Variants in GGA2 observed in about 807,000 individuals in gnomAD.
GGA2 encodes the protein golgi associated, gamma adaptin ear containing, ARF binding protein 2, also known as ADP-ribosylation factor-binding protein GGA2.
A neutral mutation model predicts 79.5 loss-of-function variants in GGA2; 48 were observed. That is an observed-to-expected ratio of 0.60 (90% CI 0.48 to 0.77). The LOEUF is 0.77. Among genes scored for constraint, GGA2 ranks in the 30% least tolerant of loss-of-function variants. The pLI is 0.00. For missense variants in GGA2, 770 were observed against 774.0 expected, an observed-to-expected ratio of 0.99 and a Z score of 0.06; for synonymous variants, 317 against 302.0, an observed-to-expected ratio of 1.05 and a Z score of -0.51.
intron 2 of GGA2, among the ~76,000 whole-genome samples, chr16:23,494,935 A>G (rs113544600): frequency 0.026 from 3,936 of 152,096 alleles, 80 homozygotes; most frequent in African/African-American, 0.058. Context: ...AATACAAAAA[A>G]TTAGCCAGGC....
Position 23,478,372 on chromosome 16 carries a change from G to GGC in GGA2, c.1286_1287dup (p.Pro430AlafsTer3), listed in dbSNP as rs1964603082. On this transcript the variant is annotated frameshift_variant, in exon 13 of 17. Transcript: ENST00000309859. LOFTEE classifies it high-confidence loss of function. ...CCCCTTGCCCAGAAGACTCACAGAG[G>GGC]GCACGGAGCTGGCTGTGCTGAGAGG... The GGC allele has an allele frequency of 1.9e-6, 3 of 1,587,656 alleles. No homozygotes were observed. The highest frequency in any genetic ancestry group is 2.6e-6 in the Non-Finnish European group (3 of 1,165,358).
upstream of GGA2, chr16:23,522,669 G>C (rs1214716508): frequency 1.3e-5 from 2 of 152,028 alleles, no homozygotes; most frequent in Non-Finnish European, 2.9e-5. Context: ...CACTCCCCTG[G>C]ACAAAATAAA....
At chr16:23,524,283 G>A (rs1965186790), upstream of GGA2, 23 of 1,137,042 alleles carry the variant, frequency 2.0e-5, no homozygotes, top group Non-Finnish European at 2.9e-5. Flanking sequence ...ACTTCCCGAC[G>A]GGCCCCAGGC....
Position 23,470,208 on chromosome 16 carries a change from AC to A in GGA2, c.1451-44del, listed in dbSNP as rs35598942. The A allele has an allele frequency of 4.4e-4, 639 of 1,440,010 alleles. 6 individuals are homozygous for A. The African/African-American group carries it at 8.0e-3, about 18-fold the overall frequency. 89.2% of individuals were successfully genotyped at this position (1,440,010 alleles called of 1,614,324 possible). ...AGCAGAAGGTTTAACACCACTACAA[AC>A]CCCCCGGACAGCCAGGCTGGAAAGA... On this transcript the variant is annotated intron_variant, in intron 14 of 16. Coordinates refer to ENST00000309859, the MANE Select transcript of GGA2 (RefSeq NM_015044.4).
At chr16:23,470,828 T>C (rs1358407003) in intron 14 of GGA2, among the ~76,000 whole-genome samples, 1 of 128,590 alleles carries the variant, frequency 7.8e-6, no homozygotes, top group African/African-American at 3.6e-5. Flanking sequence ...ATAAATGCTT[T>C]TTTTTTTTTT....
In GGA2 at chr16:23,465,025, T is replaced by A; in HGVS notation, c.*2565A>T. The A allele has an allele frequency of 2.5e-6, 1 of 399,790 alleles. No individual in the cohort carries two copies. The highest frequency in any genetic ancestry group is 4.5e-6 in the Non-Finnish European group (1 of 220,224). 24.8% of individuals were successfully genotyped at this position (399,790 alleles called of 1,614,324 possible). A position where few individuals can be genotyped will look rare whatever the true frequency, so the allele number is the denominator to read the frequency against. On this transcript the variant is annotated 3_prime_UTR_variant, in exon 17 of 17. Coordinates refer to ENST00000309859, the MANE Select transcript of GGA2 (RefSeq NM_015044.4). ...ATGGGTCAACAGGACCCCCGAAGAG[T>A]TCAAGATACTGGAAAGCACTGGCCA...
chr16:23,505,020 C>A (rs1482907517), intron 1 of GGA2, among the ~76,000 whole-genome samples: 1 of 152,144 alleles, frequency 6.6e-6, no homozygotes, highest in Non-Finnish European at 1.5e-5. Context: ...CCAGCAGCCG[C>A]CTGTGCTAGC....
Position 23,464,679 on chromosome 16 carries a change from C to G in GGA2, c.*2911G>C, listed in dbSNP as rs1314325241. The G allele has an allele frequency of 6.6e-6, 1 of 152,428 alleles. No homozygotes were observed. The highest frequency in any genetic ancestry group is 1.5e-5 in the Non-Finnish European group (1 of 68,244). 9.4% of individuals were successfully genotyped at this position (152,428 alleles called of 1,614,324 possible). A position where few individuals can be genotyped will look rare whatever the true frequency, so the allele number is the denominator to read the frequency against. Reference sequence around the variant, plus strand: ...CTGCGGATACAGACGAAGCAGGAATCAGGGACCCAATAAGTCTCAGGTGCT... The same window carrying G: ...CTGCGGATACAGACGAAGCAGGAATGAGGGACCCAATAAGTCTCAGGTGCT... On this transcript the variant is annotated 3_prime_UTR_variant, in exon 17 of 17. Coordinates refer to ENST00000309859, the MANE Select transcript of GGA2 (RefSeq NM_015044.4).
intron 9 of GGA2, among the ~76,000 whole-genome samples, chr16:23,481,822 A>T (rs1596982469): frequency 6.6e-6 from 1 of 152,250 alleles, no homozygotes; most frequent in African/African-American, 2.4e-5. Context: ...CATGCTATCC[A>T]CTAAGAGAGA....
chr16:23,475,357 T>C (rs979330837), intron 13 of GGA2, among the ~76,000 whole-genome samples: 3 of 151,548 alleles, frequency 2.0e-5, no homozygotes, highest in African/African-American at 4.8e-5. Context: ...GTCCGACTAA[T>C]TTTTGTATTT....
intron 1 of GGA2, among the ~76,000 whole-genome samples, chr16:23,507,333 A>G (rs1353878973): frequency 6.6e-6 from 1 of 152,228 alleles, no homozygotes; most frequent in Non-Finnish European, 1.5e-5. Flanking sequence ...GAAAAAAACC[A>G]TAATAATAAA....
intron 1 of GGA2, among the ~76,000 whole-genome samples, chr16:23,503,246 T>C (rs1197666100): frequency 2.6e-5 from 4 of 152,234 alleles, no homozygotes; most frequent in Non-Finnish European, 4.4e-5. Flanking sequence ...TTATACGTAA[T>C]TGAATATTTT....
chr16:23,499,441 G>A (rs975790682), intron 1 of GGA2, among the ~76,000 whole-genome samples: 1 of 152,010 alleles, frequency 6.6e-6, no homozygotes, highest in East Asian at 1.9e-4. Context: ...ACCACACCCG[G>A]CCGGCACCAG....
At chr16:23,477,814 C>T (rs1362203990) in intron 13 of GGA2, among the ~76,000 whole-genome samples, 2 of 152,180 alleles carry the variant, frequency 1.3e-5, no homozygotes, top group African/African-American at 4.8e-5. Context: ...CCTCCCCAGC[C>T]ACATGGAACT....
intron 7 of GGA2, 109 bp from the exon 8 acceptor site, chr16:23,486,261 C>G: frequency 2.1e-6 from 2 of 956,190 alleles, no homozygotes; most frequent in Non-Finnish European, 1.6e-6. Flanking sequence ...AGGGGCATCA[C>G]CAGGATGTTA....
intron 14 of GGA2, 25 bp downstream of exon 14, chr16:23,474,879 A>AT: frequency 6.5e-7 from 1 of 1,542,100 alleles, no homozygotes; most frequent in Non-Finnish European, 9.0e-7. Flanking sequence ...AAAAAAAAAA[A>AT]GGTGGGGAGT....
intron 13 of GGA2, among the ~76,000 whole-genome samples, chr16:23,477,275 T>C (rs192026728): frequency 5.1e-4 from 77 of 152,266 alleles, no homozygotes; most frequent in African/African-American, 1.8e-3. Context: ...TCATCTTGAA[T>C]TGTAGCACCC....
chr16:23,488,447 C>A (rs1004883465), intron 6 of GGA2, among the ~76,000 whole-genome samples, 159 bp downstream of exon 6: 6 of 152,120 alleles, frequency 3.9e-5, no homozygotes, highest in Admixed American at 3.3e-4. Flanking sequence ...CCATGAAGAA[C>A]GCACCCAAAC....
At chr16:23,504,956 G>A (rs1964958120) in intron 1 of GGA2, among the ~76,000 whole-genome samples, 1 of 152,156 alleles carries the variant, frequency 6.6e-6, no homozygotes, top group African/African-American at 2.4e-5. Context: ...TAATTCAGAA[G>A]CCAAACCATC....
Sources: gnomAD v4.1 joint callset for allele counts (sites outside exome capture counted in the v4.1 genomes callset) on GRCh38, gnomAD v4.1.1 for gene constraint, MANE v1.5 for transcripts, NCBI Gene and HGNC (gene_info 2026-07-23, HGNC 2026-07-21) for gene names.